RD3: variants seen among roughly 807,000 people sequenced by gnomAD.
The protein encoded by RD3 is RD3 regulator of GUCY2D, also known as protein RD3.
Under a neutral mutation model 16.9 loss-of-function variants are expected in RD3, and 11 were observed. The ratio of observed to expected loss-of-function variants is 0.65; its 90% CI spans 0.41 to 1.08. RD3 has a LOEUF of 1.08. RD3 is among the 50% of genes least tolerant of loss of function. The pLI is 0.00. For missense variants in RD3, 274 were observed against 267.4 expected, an observed-to-expected ratio of 1.02 and a Z score of -0.17; for synonymous variants, 116 against 114.8, an observed-to-expected ratio of 1.01 and a Z score of -0.07.
chr1:211,486,440 A>C lies in RD3; in HGVS notation c.-11-5014T>G, dbSNP rs891338246. Among the ~76,000 whole-genome samples, 5 of 152,206 alleles carry C rather than the reference A, an allele frequency of 3.3e-5. No homozygotes were observed. The East Asian group carries it at 7.7e-4, about 23-fold the overall frequency. ...ATTGAACCTGGGAGGCAGAGGTTGC[A>C]GTGAGCTGAGATCGTGCCATTGCAC... On this transcript the variant is annotated intron_variant, in intron 1 of 2. Coordinates refer to ENST00000680073, the MANE Select transcript of RD3 (RefSeq NM_001164688.2).
At chr1:211,488,465 G>A (rs967420109) in intron 1 of RD3, among the ~76,000 whole-genome samples, 2 of 151,316 alleles carry the variant, frequency 1.3e-5, no homozygotes, top group African/African-American at 4.9e-5. Context: ...AACCCGGGAG[G>A]TGGAGGCTGC....
chr1:211,481,140 A>G lies in RD3; in HGVS notation c.276T>C (p.Tyr92=). ...CTCACCTGAGGATAGCAGGCCCACA[A>G]TAGGATGGGTGGATCTTAACGCAGA... ...EDVCVKIHPS[Y]CGPAILRFRQ... is the part of the protein sequence containing the mutation. Residue 92 remains tyrosine, a synonymous_variant, in exon 2 of 3, where the codon TAT becomes TAC. Coordinates refer to ENST00000680073, the MANE Select transcript of RD3 (RefSeq NM_001164688.2). 1 of 1,614,230 alleles carries G rather than the reference A, an allele frequency of 6.2e-7. No individual in the cohort carries two copies. Among genetic ancestry groups the G allele is most frequent in the Non-Finnish European group, 8.5e-7 (1 of 1,180,036 alleles).
chr1:211,481,212 C>T lies in RD3; in HGVS notation c.204G>A (p.Arg68=). 1 of 1,614,268 alleles carries T rather than the reference C, an allele frequency of 6.2e-7. No homozygotes were observed. Among genetic ancestry groups the T allele is most frequent in the Non-Finnish European group, 8.5e-7 (1 of 1,180,048 alleles). ...CAATGGGGCTGAGGTCATAGGTGGA[C>T]CGGGGTGTGCTGGCCAGCCAGCTGT... The part of the protein sequence containing the change: ...VDYSWLASTP[R]STYDLSPIER... Residue 68 remains arginine, a synonymous_variant, in exon 2 of 3, where the codon CGG becomes CGA. Coordinates refer to ENST00000680073, the MANE Select transcript of RD3 (RefSeq NM_001164688.2).
intron 2 of RD3, 142 bp downstream of exon 2, chr1:211,480,978 C>A: frequency 1.1e-6 from 1 of 897,512 alleles, no homozygotes. Flanking sequence ...TTTCAGACTC[C>A]TTTTCCCCTC....
rs899892784 is a variant in RD3, at chr1:211,478,836, G to T, written c.*200C>A. 14 of 592,154 alleles carry T rather than the reference G, an allele frequency of 2.4e-5. No homozygotes were observed. In the Admixed American group the frequency reaches 4.0e-4, roughly 17 times the overall value. The allele number at this position is 592,154 out of a possible 1,614,324, so 36.7% of individuals were successfully genotyped here. On this transcript the variant is annotated 3_prime_UTR_variant, in exon 3 of 3. Coordinates refer to ENST00000680073, the MANE Select transcript of RD3 (RefSeq NM_001164688.2). ...GAGGGAGAGGGCGGTGCCGCTCTAC[G>T]ACCTAACTCAGCTTTGTGGCCAGAG... is the stretch of plus-strand genomic sequence containing the variant.
intron 2 of RD3, 67 bp downstream of exon 2, chr1:211,481,052 GC>G: frequency 6.5e-7 from 1 of 1,542,612 alleles, no homozygotes; most frequent in Middle Eastern, 1.7e-4. Flanking sequence ...GTGGCCTCAG[GC>G]CCCTGCCACT....
At chr1:211,491,133 C>A (rs998714314) in intron 1 of RD3, among the ~76,000 whole-genome samples, 1 of 152,138 alleles carries the variant, frequency 6.6e-6, no homozygotes. Context: ...ATCCCTTGGT[C>A]GCAGCTGGAC....
chr1:211,487,710 T>C lies in RD3; in HGVS notation c.-12+4058A>G, dbSNP rs74771317. 4.3e-3 allele frequency among the ~76,000 whole-genome samples: 659 copies of C among 152,336 alleles called. 4 individuals carry two copies. Among genetic ancestry groups the C allele is most frequent in the African/African-American group, 0.013 (554 of 41,558 alleles). ...TATTCTGCTCATTTCTGCTGCTGTG[T>C]CTTTCTTCACCCACGAGCCTGGGCA... On this transcript the variant is annotated intron_variant, in intron 1 of 2. Transcript: ENST00000680073.
intron 1 of RD3, among the ~76,000 whole-genome samples, chr1:211,488,361 C>G (rs1356452973): frequency 6.6e-6 from 1 of 151,940 alleles, no homozygotes; most frequent in Non-Finnish European, 1.5e-5. Context: ...ATGGTGAAAC[C>G]CCATCTCTAC....
chr1:211,480,259 G>T (rs528905380), intron 2 of RD3, among the ~76,000 whole-genome samples: 78 of 152,240 alleles, frequency 5.1e-4, no homozygotes, highest in Non-Finnish European at 6.5e-4. Context: ...GATGGTAAAA[G>T]CTCTGCAAAA....
In RD3 at chr1:211,481,241, C is replaced by A. The variant is rs1705250794; in HGVS notation, c.175G>T (p.Asp59Tyr). Reference sequence around the variant, plus strand: ...GGTGTGCTGGCCAGCCAGCTGTAGTCCACACCGGTGCAGACCTTTCTGACC... The same window carrying A: ...GGTGTGCTGGCCAGCCAGCTGTAGTACACACCGGTGCAGACCTTTCTGACC... ...NAVRKVCTGV[D>Y]YSWLASTPRS... is the part of the protein sequence containing the mutation. The change falls in exon 2 of 3, where the codon GAC (aspartate) becomes TAC (tyrosine). Residue 59 changes from aspartate to tyrosine, a missense_variant. Transcript: ENST00000680073. The A allele has an allele frequency of 1.2e-6, 2 of 1,614,248 alleles. No homozygotes were observed. Among genetic ancestry groups the A allele is most frequent in the East Asian group, 4.5e-5 (2 of 44,892 alleles).
chr1:211,490,867 G>A (rs1018780658), intron 1 of RD3, among the ~76,000 whole-genome samples: 2 of 152,118 alleles, frequency 1.3e-5, no homozygotes, highest in Non-Finnish European at 2.9e-5. Context: ...CCTGACACAA[G>A]GGCCCATCAC....
At chr1:211,487,474 G>A (rs1447930290) in intron 1 of RD3, among the ~76,000 whole-genome samples, 1 of 152,160 alleles carries the variant, frequency 6.6e-6, no homozygotes, top group Non-Finnish European at 1.5e-5. Flanking sequence ...CAAGCCCTTG[G>A]CCCCTACAAG....
intron 1 of RD3, among the ~76,000 whole-genome samples, chr1:211,491,276 G>A (rs556416907): frequency 7.2e-5 from 11 of 152,296 alleles, no homozygotes; most frequent in South Asian, 4.1e-4. Flanking sequence ...CATCACCCTC[G>A]TGCCCTGGGT....
intron 1 of RD3, among the ~76,000 whole-genome samples, chr1:211,483,317 C>T (rs1180165069): frequency 1.3e-5 from 2 of 151,936 alleles, no homozygotes; most frequent in African/African-American, 2.4e-5. Flanking sequence ...CAAAAATTAG[C>T]TGGGCATGGT....
Position 211,492,015 on chromosome 1 carries a change from A to C in RD3, c.-259T>G, listed in dbSNP as rs1203573036. 1 of 152,336 alleles carries C rather than the reference A, an allele frequency of 6.6e-6. No homozygotes were observed. The highest frequency in any genetic ancestry group is 1.9e-4 in the East Asian group (1 of 5,190). 9.4% of individuals were successfully genotyped at this position (152,336 alleles called of 1,614,324 possible). The stretch of plus-strand genomic sequence containing the variant: ...ACCAAGAGAAGAGACAGGAGGAGAG[A>C]TCCAGCCTGGACTATTGTTTGTGGG... On this transcript the variant is annotated 5_prime_UTR_variant, in exon 1 of 3. Transcript: ENST00000680073.
At position 211,478,967 on chromosome 1, in the gene RD3, G is replaced by C; in HGVS notation, c.*69C>G. On this transcript the variant is annotated 3_prime_UTR_variant, in exon 3 of 3. Transcript: ENST00000680073. ...CTAGGTGGGGAGGTTCCAGGGCCCG[G>C]CGCTCCGGTCACCGGCCTATCATTC... The C allele has an allele frequency of 6.9e-7, 1 of 1,439,562 alleles. No homozygotes were observed. The highest frequency in any genetic ancestry group is 9.2e-7 in the Non-Finnish European group (1 of 1,084,982). 89.2% of individuals were successfully genotyped at this position (1,439,562 alleles called of 1,614,324 possible).
chr1:211,488,262 C>T (rs1236159098), intron 1 of RD3, among the ~76,000 whole-genome samples: 2 of 152,118 alleles, frequency 1.3e-5, no homozygotes, highest in African/African-American at 4.8e-5. Context: ...AGGCCGGGAG[C>T]GGTGGCTCAC....
rs886045906 is a variant in RD3, at chr1:211,492,047, A to C, written c.-291T>G. ...CTGGACTATTGTTTGTGGGGTGTGT[A>C]GGTGTGTGTGTGTGTGTGTGTGTGT... On this transcript the variant is annotated 5_prime_UTR_variant, in exon 1 of 3. Coordinates refer to ENST00000680073, the MANE Select transcript of RD3 (RefSeq NM_001164688.2). The C allele has an allele frequency of 1.0e-5, 1 of 95,628 alleles. No homozygotes were observed. Among genetic ancestry groups the C allele is most frequent in the African/African-American group, 4.6e-5 (1 of 21,812 alleles). 5.9% of individuals were successfully genotyped at this position (95,628 alleles called of 1,614,324 possible). A position where few individuals can be genotyped will look rare whatever the true frequency, so the allele number is the denominator to read the frequency against.
Sources: allele counts gnomAD v4.1 joint callset (sites outside exome capture counted in the v4.1 genomes callset), GRCh38; gene constraint gnomAD v4.1.1; transcripts MANE v1.5; gene names NCBI Gene and HGNC (gene_info 2026-07-23, HGNC 2026-07-21).